SEPTIN7: variants seen among roughly 807,000 people sequenced by gnomAD.
SEPTIN7 encodes the protein septin 7.
Under a neutral mutation model 63.3 loss-of-function variants are expected in SEPTIN7, and 10 were observed. That is an observed-to-expected ratio of 0.16 (90% CI 0.10 to 0.27). The LOEUF is 0.27. SEPTIN7 is among the 10% of genes least tolerant of loss of function. The probability of loss-of-function intolerance (pLI) is 1.00; values close to 1 mark genes in which losing one functional copy is unlikely to be tolerated. For synonymous variants in SEPTIN7, 131 were observed against 165.3 expected (o/e 0.79, Z 1.59); for missense variants, 310 against 521.0 (o/e 0.59, Z 3.94).
At chr7:35,858,579 C>G (rs923661107) in intron 3 of SEPTIN7, among the ~76,000 whole-genome samples, 1 of 152,118 alleles carries the variant, frequency 6.6e-6, no homozygotes, top group African/African-American at 2.4e-5. Flanking sequence ...TTATCTCAAT[C>G]TCCTGACCTC....
chr7:35,873,988 G>A (rs1477931651), intron 6 of SEPTIN7: 1 of 450,958 alleles, frequency 2.2e-6, no homozygotes, highest in East Asian at 4.0e-5. Flanking sequence ...TCATTCATAA[G>A]GATTTTCCCT....
intron 5 of SEPTIN7, 62 bp downstream of exon 5, chr7:35,872,828 TTTC>T (rs1786236774): frequency 1.8e-6 from 2 of 1,112,242 alleles, no homozygotes; most frequent in African/African-American, 1.5e-5. Flanking sequence ...GGTTAAACTT[TTTC>T]TTCTTAACAT....
chr7:35,824,516 C>G (rs1402972393), intron 1 of SEPTIN7, among the ~76,000 whole-genome samples: 1 of 152,166 alleles, frequency 6.6e-6, no homozygotes, highest in Admixed American at 6.5e-5. Flanking sequence ...TCTAGCATTT[C>G]TAACCTTTAT....
intron 10 of SEPTIN7, among the ~76,000 whole-genome samples, chr7:35,886,828 A>T (rs1787281180): frequency 6.6e-6 from 1 of 152,236 alleles, no homozygotes; most frequent in East Asian, 1.9e-4. Context: ...TCAAGGTGAG[A>T]AGTGAGGGGG....
At position 35,820,834 on chromosome 7, in the gene SEPTIN7, G is replaced by A. The variant is rs1474231094; in HGVS notation, c.62-10658G>A. Among the ~76,000 whole-genome samples, 4 of 152,078 alleles carry A rather than the reference G, an allele frequency of 2.6e-5. No individual in the cohort carries two copies. The East Asian group carries it at 7.7e-4, about 29-fold the overall frequency. The stretch of plus-strand genomic sequence containing the variant: ...TCAAATAATACAGTGTGGCAGCTCT[G>A]GAAATCAGATTCTCCCTTCTCTGCA... On this transcript the variant is annotated intron_variant, in intron 1 of 13. Coordinates refer to ENST00000350320, the MANE Select transcript of SEPTIN7 (RefSeq NM_001788.6).
intron 8 of SEPTIN7, among the ~76,000 whole-genome samples, chr7:35,882,980 TTC>T (rs1786991749): frequency 6.6e-6 from 1 of 152,068 alleles, no homozygotes; most frequent in Non-Finnish European, 1.5e-5. Flanking sequence ...AGTTCTAGCG[TTC>T]TGTAGCATTG....
chr7:35,915,137 A>C, the SEPTIN7 span, among the ~76,000 whole-genome samples: 1 of 132,102 alleles, frequency 7.6e-6, no homozygotes, highest in Non-Finnish European at 1.7e-5. Flanking sequence ...ATATACATGC[A>C]TATACACATG....
At position 35,887,423 on chromosome 7, in the gene SEPTIN7, C is replaced by T. The variant is rs564685922; in HGVS notation, c.872+1544C>T. Among the ~76,000 whole-genome samples, 10 of 152,290 alleles carry T rather than the reference C, an allele frequency of 6.6e-5. 1 individual carries two copies. In the South Asian group the frequency reaches 1.4e-3, roughly 22 times the overall value. On this transcript the variant is annotated intron_variant, in intron 10 of 13. Coordinates refer to ENST00000350320, the MANE Select transcript of SEPTIN7 (RefSeq NM_001788.6). Reference sequence around the variant, plus strand: ...GGAGTGCAGTGGCACGATCTTGGCTCGCTGCAGCCTCCACCCAGGTTCAAG... The same window carrying T: ...GGAGTGCAGTGGCACGATCTTGGCTTGCTGCAGCCTCCACCCAGGTTCAAG...
chr7:35,875,781 A>G (rs1786439200), intron 6 of SEPTIN7, among the ~76,000 whole-genome samples: 1 of 152,134 alleles, frequency 6.6e-6, no homozygotes, highest in Non-Finnish European at 1.5e-5. Flanking sequence ...ATACATACAT[A>G]CATACATACA....
intron 2 of SEPTIN7, 157 bp downstream of exon 2, chr7:35,831,653 T>TA (rs1430519809): frequency 4.2e-6 from 1 of 239,154 alleles, no homozygotes; most frequent in Admixed American, 5.8e-5. Flanking sequence ...TTAAAAATGT[T>TA]AGATTCTGAT....
intron 11 of SEPTIN7, among the ~76,000 whole-genome samples, chr7:35,896,962 A>G (rs146479798): frequency 4.5e-4 from 69 of 152,252 alleles, no homozygotes; most frequent in Non-Finnish European, 8.7e-4. Flanking sequence ...AACATTTTCT[A>G]TCTAGCTCTT....
chr7:35,868,007 G>A (rs548540327), intron 4 of SEPTIN7, among the ~76,000 whole-genome samples: 2 of 151,568 alleles, frequency 1.3e-5, no homozygotes, highest in East Asian at 3.9e-4. Context: ...CGGGTAGCTG[G>A]GATTACAGGC....
intron 1 of SEPTIN7, chr7:35,815,228 C>CT: frequency 2.8e-5 from 11 of 399,478 alleles, no homozygotes; most frequent in East Asian, 7.9e-5. Flanking sequence ...GTCCAGCAAC[C>CT]TTTTTTTGAG....
chr7:35,896,024 T>A (rs1363903916), intron 11 of SEPTIN7, among the ~76,000 whole-genome samples: 1 of 152,206 alleles, frequency 6.6e-6, no homozygotes, highest in Non-Finnish European at 1.5e-5. Context: ...TTGGCCACGC[T>A]GGTTTCAAAC....
At chr7:35,828,645 A>C (rs1783644499) in intron 1 of SEPTIN7, among the ~76,000 whole-genome samples, 1 of 152,122 alleles carries the variant, frequency 6.6e-6, no homozygotes, top group South Asian at 2.1e-4. Context: ...CCAAAGTGCT[A>C]GGATTACAGG....
intron 11 of SEPTIN7, among the ~76,000 whole-genome samples, chr7:35,895,955 C>T (rs1387582618): frequency 6.6e-5 from 10 of 152,112 alleles, no homozygotes. Context: ...GAATTACAGG[C>T]GTGTGCCACC....
intron 13 of SEPTIN7, 136 bp downstream of exon 13, chr7:35,903,351 C>G (rs1788433035): frequency 7.4e-6 from 10 of 1,354,186 alleles, no homozygotes; most frequent in Admixed American, 6.8e-5. Flanking sequence ...CAATGGTTTT[C>G]ATAGATAAAT....
rs1428322695 is a variant in SEPTIN7 at position 35,834,286 on chromosome 7, T to C, written c.169+1386T>C. Among the ~76,000 whole-genome samples the C allele has an allele frequency of 2.6e-5, 4 of 152,048 alleles. No homozygotes were observed. In the East Asian group the frequency reaches 5.8e-4, roughly 22 times the overall value. On this transcript the variant is annotated intron_variant, in intron 3 of 13. Transcript: ENST00000350320. Reference sequence around the variant, plus strand: ...CAATTAAAAAAATTTCCTTTGACTTTAGAATTTTTGTTTAAAGAATTACTT... The same window carrying C: ...CAATTAAAAAAATTTCCTTTGACTTCAGAATTTTTGTTTAAAGAATTACTT...
Position 35,850,340 on chromosome 7 carries a change from A to G in SEPTIN7, c.170-13212A>G, listed in dbSNP as rs1478000479. ...TTGTAGGTGATTGAACTAGGATTTG[A>G]ATTTGAACAAAATTGATTTCAAAAC... On this transcript the variant is annotated intron_variant, in intron 3 of 13. Transcript: ENST00000350320. Among the ~76,000 whole-genome samples, 3 of 152,190 alleles carry G rather than the reference A, an allele frequency of 2.0e-5. No individual in the cohort carries two copies. The East Asian group carries it at 5.8e-4, about 29-fold the overall frequency.
Sources: allele counts gnomAD v4.1 joint callset (sites outside exome capture counted in the v4.1 genomes callset), GRCh38; gene constraint gnomAD v4.1.1; transcripts MANE v1.5; gene names NCBI Gene and HGNC (gene_info 2026-07-23, HGNC 2026-07-21).